CACNA2D1: variants seen among roughly 807,000 people sequenced by gnomAD.
CACNA2D1 encodes voltage-dependent calcium channel subunit alpha-2/delta-1.
A neutral mutation model predicts 171.5 loss-of-function variants in CACNA2D1; 53 were observed. The observed-to-expected ratio is 0.31, with a 90% CI of 0.25 to 0.39. CACNA2D1 has a LOEUF of 0.39. Ranked by LOEUF, CACNA2D1 falls within the 10% of genes least tolerant of loss-of-function variation. The probability of loss-of-function intolerance (pLI) is 1.00; values close to 1 mark genes in which losing one functional copy is unlikely to be tolerated. For missense variants in CACNA2D1, 903 were observed against 1,299.8 expected, an observed-to-expected ratio of 0.69 and a Z score of 4.69; for synonymous variants, 442 against 443.1, an observed-to-expected ratio of 1.00 and a Z score of 0.03.
At chr7:82,325,423 T>G (rs1816526314) in intron 3 of CACNA2D1, among the ~76,000 whole-genome samples, 1 of 152,118 alleles carries the variant, frequency 6.6e-6, no homozygotes, top group African/African-American at 2.4e-5. Context: ...TTAAAAGACT[T>G]GAAAATAATG....
chr7:82,220,913 G>C (rs1801683326), intron 3 of CACNA2D1, among the ~76,000 whole-genome samples: 1 of 151,834 alleles, frequency 6.6e-6, no homozygotes, highest in Non-Finnish European at 1.5e-5. Context: ...AGAGTAGCTG[G>C]GACTATAGGC....
chr7:82,302,345 C>G (rs181804045), intron 3 of CACNA2D1, among the ~76,000 whole-genome samples: 42 of 152,064 alleles, frequency 2.8e-4, no homozygotes, highest in Non-Finnish European at 5.4e-4. Context: ...CTTTCACGGC[C>G]CAATTTGATG....
chr7:82,241,040 T>C (rs1804215471), intron 3 of CACNA2D1, among the ~76,000 whole-genome samples: 1 of 152,124 alleles, frequency 6.6e-6, no homozygotes, highest in South Asian at 2.1e-4. Context: ...ATTTTACGAT[T>C]TTAACTGAAT....
chr7:81,954,902 C>T (rs573962017), intron 38 of CACNA2D1, among the ~76,000 whole-genome samples: 5 of 152,080 alleles, frequency 3.3e-5, no homozygotes, highest in South Asian at 2.1e-4. Context: ...ATTTGTTCTC[C>T]GACATGTCAC....
intron 1 of CACNA2D1, among the ~76,000 whole-genome samples, chr7:82,374,699 G>A (rs1429851842): frequency 2.6e-5 from 4 of 151,564 alleles, no homozygotes; most frequent in African/African-American, 9.7e-5. Flanking sequence ...TTTGCACAAT[G>A]TAGTTGCTTA....
chr7:81,968,765 C>T, intron 29 of CACNA2D1, 122 bp downstream of exon 29: 1 of 681,452 alleles, frequency 1.5e-6, no homozygotes, highest in Non-Finnish European at 2.7e-6. Context: ...TTTAAGTGTG[C>T]ATGCCTTTAT....
At chr7:82,035,904 A>G (rs528005994) in intron 11 of CACNA2D1, among the ~76,000 whole-genome samples, 6 of 152,304 alleles carry the variant, frequency 3.9e-5, no homozygotes, top group African/African-American at 1.4e-4. Context: ...ATGAACATAC[A>G]ACATTTAACA....
intron 3 of CACNA2D1, among the ~76,000 whole-genome samples, chr7:82,291,123 G>A (rs1232178942): frequency 8.3e-6 from 1 of 119,838 alleles, no homozygotes; most frequent in Non-Finnish European, 1.9e-5. Context: ...TACTATCTGG[G>A]ACTACAAGTG....
At chr7:81,968,833 T>A in intron 29 of CACNA2D1, 54 bp downstream of exon 29, 1 of 980,720 alleles carries the variant, frequency 1.0e-6, no homozygotes, top group East Asian at 2.4e-5. Flanking sequence ...ATAATATAAA[T>A]GCCAAGTAAC....
intron 3 of CACNA2D1, among the ~76,000 whole-genome samples, chr7:82,181,058 T>TTTTTTTTTTTTTTTTTTTTTG (rs1797085736): frequency 8.0e-6 from 1 of 125,448 alleles, no homozygotes; most frequent in Non-Finnish European, 1.7e-5. Flanking sequence ...TTTTTTTTTT[T>TTTTTTTTTTTTTTTTTTTTTG]TTTTTTTTTT....
intron 1 of CACNA2D1, among the ~76,000 whole-genome samples, chr7:82,404,743 A>G (rs1826830182): frequency 6.6e-6 from 1 of 152,162 alleles, no homozygotes; most frequent in Non-Finnish European, 1.5e-5. Context: ...ATAAAACTGT[A>G]CCCTGTGTCT....
intron 1 of CACNA2D1, among the ~76,000 whole-genome samples, chr7:82,441,276 T>A (rs2129460032): frequency 6.6e-6 from 1 of 152,216 alleles, no homozygotes; most frequent in South Asian, 2.1e-4. Flanking sequence ...TGTTACTAAC[T>A]TTTCAAATGA....
At chr7:82,176,181 G>A (rs7783945) in intron 3 of CACNA2D1, among the ~76,000 whole-genome samples, 6,271 of 152,094 alleles carry the variant, frequency 0.041, 424 homozygotes, top group African/African-American at 0.14. Context: ...TAGGCAAGGT[G>A]TGACATTTCT....
At chr7:82,149,079 G>T (rs1409572597) in intron 4 of CACNA2D1, among the ~76,000 whole-genome samples, 2 of 152,104 alleles carry the variant, frequency 1.3e-5, no homozygotes, top group Non-Finnish European at 2.9e-5. Context: ...TGCATTCCCT[G>T]CCTCAGTCTG....
chr7:82,103,506 T>G (rs898836700), intron 6 of CACNA2D1, among the ~76,000 whole-genome samples: 1 of 152,178 alleles, frequency 6.6e-6, no homozygotes, highest in East Asian at 1.9e-4. Context: ...CTTTTGTACA[T>G]AATTCTTAAT....
At chr7:82,404,976 G>A (rs1291513717) in intron 1 of CACNA2D1, among the ~76,000 whole-genome samples, 5 of 152,144 alleles carry the variant, frequency 3.3e-5, no homozygotes. Flanking sequence ...TCCTGATTTA[G>A]CTCATTTTGA....
At chr7:82,033,024 A>G (rs1391735627) in intron 11 of CACNA2D1, 123 bp from the exon 12 acceptor site, 1 of 660,068 alleles carries the variant, frequency 1.5e-6, no homozygotes, top group Non-Finnish European at 2.8e-6. Flanking sequence ...CTCACAAAAT[A>G]TATTCTAAGA....
At chr7:82,138,892 AT>A (rs1244179081) in intron 4 of CACNA2D1, among the ~76,000 whole-genome samples, 1 of 152,172 alleles carries the variant, frequency 6.6e-6, no homozygotes, top group Non-Finnish European at 1.5e-5. Context: ...ACGATTTTCA[AT>A]TTAAAATGTG....
chr7:82,382,326 T>C (rs1823803112), intron 1 of CACNA2D1, among the ~76,000 whole-genome samples: 2 of 152,372 alleles, frequency 1.3e-5, no homozygotes, highest in Non-Finnish European at 2.9e-5. Context: ...CTTCTCATCC[T>C]GGAGTTCTCT....
Sources: allele counts gnomAD v4.1 joint callset (sites outside exome capture counted in the v4.1 genomes callset), GRCh38; gene constraint gnomAD v4.1.1; transcripts MANE v1.5; gene names NCBI Gene and HGNC (gene_info 2026-07-23, HGNC 2026-07-21).